Variants in OPCML observed in about 807,000 individuals in gnomAD.
The protein encoded by OPCML is opioid binding protein/cell adhesion molecule like, also known as opioid-binding protein/cell adhesion molecule.
In OPCML, 13 loss-of-function variants were observed where a neutral mutation model predicts 37.8. The ratio of observed to expected loss-of-function variants is 0.34; its 90% CI spans 0.22 to 0.55. OPCML has a LOEUF of 0.55. OPCML is among the 20% of genes least tolerant of loss of function. The pLI is 0.91. For missense variants in OPCML, 341 were observed against 435.6 expected (o/e 0.78, Z 1.93); for synonymous variants, 176 against 168.8 (o/e 1.04, Z -0.33).
At chr11:133,324,813 T>C (rs923717355) in intron 1 of OPCML, among the ~76,000 whole-genome samples, 4 of 152,194 alleles carry the variant, frequency 2.6e-5, no homozygotes, top group Non-Finnish European at 5.9e-5. Context: ...GATGTATAAA[T>C]ATATATTCAT....
chr11:132,565,382 T>C (rs1385506866), intron 3 of OPCML, among the ~76,000 whole-genome samples: 1 of 152,180 alleles, frequency 6.6e-6, no homozygotes, highest in East Asian at 1.9e-4. Context: ...GAATGTTAAT[T>C]TGGGAATCAT....
chr11:133,512,739 C>T (rs1031364917), intron 1 of OPCML, among the ~76,000 whole-genome samples: 4 of 152,168 alleles, frequency 2.6e-5, no homozygotes, highest in Admixed American at 2.6e-4. Flanking sequence ...TATTTAGGAT[C>T]TCTGTCAGAC....
chr11:132,962,366 C>CA lies in OPCML; in HGVS notation c.62-19357dup. On this transcript the variant is annotated intron_variant, in intron 1 of 7. Transcript: ENST00000524381. ...CATGATGAAGACAGCATCTGCAGAC[C>CA]AAGAGTGTGCCTGGGAACTCACATT... Among the ~76,000 whole-genome samples the CA allele has an allele frequency of 3.3e-5, 5 of 152,306 alleles. 1 individual carries two copies. In the South Asian group the frequency reaches 1.0e-3, roughly 32 times the overall value.
intron 1 of OPCML, among the ~76,000 whole-genome samples, chr11:133,531,501 G>T (rs559289363): frequency 6.6e-6 from 1 of 152,138 alleles, no homozygotes; most frequent in Non-Finnish European, 1.5e-5. Context: ...TATTCCTGAC[G>T]TAAGGAACAG....
chr11:132,424,124 G>GC lies in OPCML; in HGVS notation c.917-3832_917-3831insG, dbSNP rs2095969599. ...TCTAAAACCTAGAATACTAGAGGCA[G>GC]TTTTTTTTTTTTTTAGATGGAGTCT... On this transcript the variant is annotated intron_variant, in intron 7 of 7. Coordinates refer to ENST00000524381, the MANE Select transcript of OPCML (RefSeq NM_001012393.5). 2.7e-5 allele frequency among the ~76,000 whole-genome samples: 4 copies of GC among 146,682 alleles called. No homozygotes were observed. The East Asian group carries it at 8.0e-4, about 29-fold the overall frequency.
chr11:132,921,138 C>G (rs1944784817), intron 2 of OPCML, among the ~76,000 whole-genome samples: 1 of 152,172 alleles, frequency 6.6e-6, no homozygotes, highest in African/African-American at 2.4e-5. Flanking sequence ...TTTAAAACTT[C>G]CTTTCGACAG....
intron 1 of OPCML, among the ~76,000 whole-genome samples, chr11:133,184,265 TG>T (rs1283141438): frequency 7.9e-5 from 12 of 152,008 alleles, no homozygotes; most frequent in Admixed American, 5.9e-4. Context: ...TTATGCCAAG[TG>T]GGAAAAAAGG....
intron 1 of OPCML, among the ~76,000 whole-genome samples, chr11:133,478,608 C>T (rs543420780): frequency 2.6e-5 from 4 of 152,256 alleles, no homozygotes; most frequent in Non-Finnish European, 4.4e-5. Flanking sequence ...CCAGAAGTTA[C>T]GTAACACAAA....
At chr11:133,371,958 G>A (rs1048560684) in intron 1 of OPCML, among the ~76,000 whole-genome samples, 2 of 152,090 alleles carry the variant, frequency 1.3e-5, no homozygotes, top group Non-Finnish European at 2.9e-5. Flanking sequence ...CTTACACGTG[G>A]GAGCTAAAAA....
At chr11:132,964,802 G>A (rs573755698) in intron 1 of OPCML, among the ~76,000 whole-genome samples, 33 of 152,150 alleles carry the variant, frequency 2.2e-4, no homozygotes, top group Non-Finnish European at 2.6e-4. Flanking sequence ...AGATTCTATC[G>A]TTCCTTTATG....
chr11:133,191,861 T>G (rs917986394), intron 1 of OPCML, among the ~76,000 whole-genome samples: 23 of 152,170 alleles, frequency 1.5e-4, no homozygotes, highest in African/African-American at 4.8e-4. Context: ...GTGTTGCATG[T>G]TGGAACCCAT....
chr11:133,238,687 A>T (rs1392878660), intron 1 of OPCML, among the ~76,000 whole-genome samples: 1 of 152,024 alleles, frequency 6.6e-6, no homozygotes, highest in Non-Finnish European at 1.5e-5. Context: ...AAGCAATGTG[A>T]CTTCTGTCTC....
At chr11:132,725,758 G>A (rs1944856207) in intron 2 of OPCML, among the ~76,000 whole-genome samples, 1 of 145,678 alleles carries the variant, frequency 6.9e-6, no homozygotes, top group Admixed American at 7.0e-5. Flanking sequence ...TCCAGCCTGG[G>A]CAACAGCGAG....
chr11:132,906,825 T>C (rs1204035653), intron 2 of OPCML, among the ~76,000 whole-genome samples: 1 of 152,328 alleles, frequency 6.6e-6, no homozygotes, highest in East Asian at 1.9e-4. Context: ...CAGTGTTTCC[T>C]TGGTTGAAAC....
intron 1 of OPCML, among the ~76,000 whole-genome samples, chr11:133,309,206 G>A (rs888564446): frequency 6.6e-6 from 1 of 152,204 alleles, no homozygotes; most frequent in African/African-American, 2.4e-5. Flanking sequence ...GTGCAATGAA[G>A]AATTCTGGCA....
chr11:132,819,794 C>T (rs1410084396), intron 2 of OPCML, among the ~76,000 whole-genome samples: 1 of 152,144 alleles, frequency 6.6e-6, no homozygotes, highest in Non-Finnish European at 1.5e-5. Flanking sequence ...ATCAGTAAGT[C>T]ACTTTAAGTA....
At chr11:133,384,634 C>T (rs1427575510) in intron 1 of OPCML, among the ~76,000 whole-genome samples, 2 of 152,234 alleles carry the variant, frequency 1.3e-5, no homozygotes, top group Non-Finnish European at 2.9e-5. Context: ...AAGAAAATCC[C>T]AGTGCCTTCT....
chr11:132,657,401 C>T lies in OPCML; in HGVS notation c.147-82G>A, dbSNP rs974840687. The T allele has an allele frequency of 3.1e-5, 46 of 1,507,372 alleles. No homozygotes were observed. The Admixed American group carries it at 3.7e-4, about 12-fold the overall frequency. The allele number at this position is 1,507,372 out of a possible 1,614,324, so 93.4% of individuals were successfully genotyped here. On this transcript the variant is annotated intron_variant, in intron 2 of 7. Coordinates refer to ENST00000524381, the MANE Select transcript of OPCML (RefSeq NM_001012393.5). ...AGATTATATAATATGGTAAATAAGACGTTGCATTTTGAGGAGTAAATGAAA... is the reference window on the plus strand; with the variant it reads ...AGATTATATAATATGGTAAATAAGATGTTGCATTTTGAGGAGTAAATGAAA...
chr11:132,979,738 G>A (rs942303661), intron 1 of OPCML, among the ~76,000 whole-genome samples: 8 of 152,228 alleles, frequency 5.3e-5, no homozygotes, highest in African/African-American at 1.7e-4. Context: ...AGACTTGGTG[G>A]TCTTCAGAAC....
Sources: allele counts gnomAD v4.1 joint callset (sites outside exome capture counted in the v4.1 genomes callset), GRCh38; gene constraint gnomAD v4.1.1; transcripts MANE v1.5; gene names NCBI Gene and HGNC (gene_info 2026-07-23, HGNC 2026-07-21).